The following THBS2 variants were observed in gnomAD, a reference collection of about 807,000 sequenced individuals.
THBS2 encodes the protein thrombospondin 2.
In THBS2, 47 loss-of-function variants were observed where a neutral mutation model predicts 135.2. The ratio of observed to expected loss-of-function variants is 0.35; its 90% CI spans 0.28 to 0.44. THBS2 has a LOEUF of 0.44. Ranked by LOEUF, THBS2 falls within the 20% of genes least tolerant of loss-of-function variation. The probability of loss-of-function intolerance (pLI) is 1.00; values close to 1 mark genes in which losing one functional copy is unlikely to be tolerated. For missense variants in THBS2, 1,288 were observed against 1,603.1 expected (o/e 0.80, Z 3.36); for synonymous variants, 639 against 633.8 (o/e 1.01, Z -0.12).
intron 4 of THBS2, among the ~76,000 whole-genome samples, chr6:169,242,920 C>T (rs1423671139): frequency 3.4e-5 from 4 of 117,712 alleles, no homozygotes; most frequent in East Asian, 2.9e-4. Context: ...CCCACCTTCC[C>T]ACCACTCCCA....
intron 21 of THBS2, among the ~76,000 whole-genome samples, chr6:169,219,303 G>GT (rs1779328292): frequency 7.7e-6 from 1 of 129,976 alleles, no homozygotes; most frequent in Non-Finnish European, 1.6e-5. Context: ...GGGTGGATGG[G>GT]TGGTTGGATG....
intron 15 of THBS2, among the ~76,000 whole-genome samples, chr6:169,227,592 C>G (rs1779682162): frequency 6.6e-6 from 1 of 152,202 alleles, no homozygotes; most frequent in African/African-American, 2.4e-5. Flanking sequence ...ATACCAAATG[C>G]ATAGCTTTCT....
intron 4 of THBS2, among the ~76,000 whole-genome samples, chr6:169,242,817 CTCCCACCT>C (rs1188067071): frequency 4.2e-3 from 209 of 49,980 alleles, no homozygotes; most frequent in Admixed American, 6.4e-3. Context: ...CTTCCCACCA[CTCCCACCT>C]TCCCACCTTC....
intron 7 of THBS2, chr6:169,239,147 A>G (rs930933980): frequency 1.9e-5 from 3 of 156,890 alleles, no homozygotes; most frequent in Non-Finnish European, 4.2e-5. Context: ...CTTAGAATGT[A>G]TTTCTATCCC....
chr6:169,218,389 G>C (rs1436519162), intron 21 of THBS2, among the ~76,000 whole-genome samples: 1 of 150,018 alleles, frequency 6.7e-6, no homozygotes, highest in African/African-American at 2.5e-5. Context: ...GAGATAGGTG[G>C]GTTGGTGGAG....
chr6:169,220,299 G>A lies in THBS2; in HGVS notation c.3410C>T (p.Ser1137Leu). The A allele has an allele frequency of 6.2e-7, 1 of 1,613,848 alleles. No individual in the cohort carries two copies. Among genetic ancestry groups the A allele is most frequent in the Non-Finnish European group, 8.5e-7 (1 of 1,179,890 alleles). Residue 1137 changes from serine (S) to leucine (L), a missense_variant, in exon 21 of 22, where the codon TCA (serine) becomes TTA (leucine). This residue lies in a region of THBS2 where 874 missense variants were observed against 1,156.1 expected (regional missense o/e 0.76). Transcript: ENST00000617924. Reference protein sequence around the residue: ...VHEGKQVMADSGPIYDQTYAG... With the variant: ...VHEGKQVMADLGPIYDQTYAG... ...GTAGGTTTGGTCATAGATAGGTCCTGAGTCTGCCATGACCTGTTTTCCTTC... is the reference window on the plus strand; with the variant it reads ...GTAGGTTTGGTCATAGATAGGTCCTAAGTCTGCCATGACCTGTTTTCCTTC...
At chr6:169,218,188 T>C (rs1265335897) in intron 21 of THBS2, among the ~76,000 whole-genome samples, 2 of 136,006 alleles carry the variant, frequency 1.5e-5, no homozygotes, top group Admixed American at 1.5e-4. Flanking sequence ...GATGAGTGGG[T>C]TGGTGGATGA....
In THBS2 at chr6:169,220,184, G is replaced by T; in HGVS notation, c.3511+14C>A. ...CACATGCCTTCCCCACTAACCTGAA[G>T]TGCTCACACTCACCTCTGCATTCGT... is the stretch of plus-strand genomic sequence containing the variant. On this transcript the variant is annotated intron_variant, in intron 21 of 21. Coordinates refer to ENST00000617924, the MANE Select transcript of THBS2 (RefSeq NM_003247.5). 1.2e-6 allele frequency: 2 copies of T among 1,611,720 alleles called. No individual in the cohort carries two copies. Among genetic ancestry groups the T allele is most frequent in the South Asian group, 2.2e-5 (2 of 90,738 alleles).
intron 2 of THBS2, 39 bp from the exon 3 acceptor site, chr6:169,249,012 G>T (rs1780665415): frequency 6.4e-7 from 1 of 1,557,686 alleles, no homozygotes; most frequent in Non-Finnish European, 8.7e-7. Context: ...TGACGTAGGG[G>T]AAGAGGGCGA....
chr6:169,230,126 T>A (rs1779781301), intron 13 of THBS2, among the ~76,000 whole-genome samples: 1 of 152,194 alleles, frequency 6.6e-6, no homozygotes, highest in Admixed American at 6.5e-5. Flanking sequence ...GTCTTTCAAA[T>A]ATGTATGTGA....
chr6:169,225,510 G>A (rs1460873810), intron 16 of THBS2, 131 bp from the exon 17 acceptor site: 16 of 906,870 alleles, frequency 1.8e-5, no homozygotes, highest in African/African-American at 6.6e-5. Context: ...ACGCAGGGGC[G>A]GCTGGCCCGA....
chr6:169,222,207 G>C lies in THBS2; in HGVS notation c.3263C>G (p.Thr1088Arg). 1 of 1,606,730 alleles carries C rather than the reference G, an allele frequency of 6.2e-7. No individual in the cohort carries two copies. The highest frequency in any genetic ancestry group is 8.5e-7 in the Non-Finnish European group (1 of 1,176,892). Residue 1088 changes from threonine (T) to arginine (R), a missense_variant, in exon 19 of 22, where the codon ACG becomes AGG. By Grantham distance (71) the Thr-to-Arg change is moderately conservative (BLOSUM62 -1). Transcript: ENST00000617924. ...LRNALWHTGNTPGQVRTLWHD... is the reference protein window; with the variant it reads ...LRNALWHTGNRPGQVRTLWHD... ...GCCAGCCAACCTCACCTGCCCCGGC[G>C]TGTTCCCCGTGTGCCACAGCGCGTT...
intron 10 of THBS2, among the ~76,000 whole-genome samples, chr6:169,234,350 C>G (rs1429684784): frequency 6.6e-6 from 1 of 150,940 alleles, no homozygotes; most frequent in Admixed American, 6.6e-5. Context: ...ACATTCCACA[C>G]CACACAACTA....
rs1779753267 is a variant in THBS2, at chr6:169,229,431, A to G, written c.2259+141T>C. 1.8e-5 allele frequency: 11 copies of G among 621,698 alleles called. No homozygotes were observed. The South Asian group carries it at 2.5e-4, about 14-fold the overall frequency. The allele number at this position is 621,698 out of a possible 1,614,324, so 38.5% of individuals were successfully genotyped here. A position where few individuals can be genotyped will look rare whatever the true frequency, so the allele number is the denominator to read the frequency against. ...TTTGCAAAGGACTGTCTTTATAGTG[A>G]CCTTTGGGAACTGCCTATGCACAAA... On this transcript the variant is annotated intron_variant, in intron 14 of 21. Transcript: ENST00000617924.
Position 169,242,085 on chromosome 6 carries a change from A to G in THBS2, c.695-127T>C, listed in dbSNP as rs113087923. On this transcript the variant is annotated intron_variant, in intron 4 of 21. Transcript: ENST00000617924. Reference sequence around the variant, plus strand: ...CCTGGTGCTGGGAGACACAAGGCGGAGGACTGGGCCAGCAGCAGAGGCCAG... The same window carrying G: ...CCTGGTGCTGGGAGACACAAGGCGGGGGACTGGGCCAGCAGCAGAGGCCAG... The G allele has an allele frequency of 1.4e-3, 1,494 of 1,067,112 alleles. 10 individuals are homozygous for G. In the African/African-American group the frequency reaches 0.021, roughly 15 times the overall value. The allele number at this position is 1,067,112 out of a possible 1,614,324, so 66.1% of individuals were successfully genotyped here.
intron 18 of THBS2, 30 bp downstream of exon 18, chr6:169,223,218 T>C (rs751836470): frequency 6.3e-7 from 1 of 1,596,284 alleles, no homozygotes; most frequent in Non-Finnish European, 8.6e-7. Context: ...GGAGAAATGC[T>C]GGCACCACCG....
At position 169,241,909 on chromosome 6, in the gene THBS2, C is replaced by T. The variant is rs767176306; in HGVS notation, c.744G>A (p.Pro248=). ...SENTETLRLG[P]HVTTEYVGPS... The stretch of plus-strand genomic sequence containing the variant: ...GGCCCACGTACTCGGTGGTGACATG[C>T]GGACCCAGGCGCAGCGTCTCTGTGT... Residue 248 remains proline (P), a synonymous_variant, in exon 5 of 22, where the codon CCG becomes CCA. Coordinates refer to ENST00000617924, the MANE Select transcript of THBS2 (RefSeq NM_003247.5). The surrounding 1 kb of genome is among the most constrained non-coding windows in gnomAD (Gnocchi z 5.5). The T allele has an allele frequency of 2.6e-5, 42 of 1,611,620 alleles. No homozygotes were observed. The highest frequency in any genetic ancestry group is 2.3e-4 in the South Asian group (21 of 91,074).
At chr6:169,223,660 A>T (rs1411939428) in intron 17 of THBS2, among the ~76,000 whole-genome samples, 185 bp from the exon 18 acceptor site, 1 of 152,186 alleles carries the variant, frequency 6.6e-6, no homozygotes, top group Non-Finnish European at 1.5e-5. Context: ...ATTTGACTTC[A>T]CAGGAACCTC....
At chr6:169,253,581 A>T (rs937185190) in intron 1 of THBS2, 143 bp downstream of exon 1, 1 of 152,260 alleles carries the variant, frequency 6.6e-6, no homozygotes, top group African/African-American at 2.4e-5. Context: ...CTTGCCATTT[A>T]GTGTTAATAG....
Sources: gnomAD v4.1 joint callset for allele counts (sites outside exome capture counted in the v4.1 genomes callset) on GRCh38, gnomAD v4.1.1 for gene constraint, gnomAD v4.1.1 regional missense constraint, Gnocchi (gnomAD v3.1) non-coding constraint, MANE v1.5 for transcripts, NCBI Gene and HGNC (gene_info 2026-07-23, HGNC 2026-07-21) for gene names.